CIMAP3: variants seen among roughly 807,000 people sequenced by gnomAD.
The protein encoded by CIMAP3 is ciliary microtubule associated protein 3.
At chr1:111,348,701 A>G in the CIMAP3 span, 1 of 1,487,260 alleles carries the variant, frequency 6.7e-7, no homozygotes, top group Non-Finnish European at 9.0e-7. Flanking sequence ...GGAGGAAAAG[A>G]AGTACGTAAT....
At chr1:111,351,171 T>TTTG in the CIMAP3 span, 1,472 of 505,588 alleles carry the variant, frequency 2.9e-3, 2 homozygotes, top group East Asian at 0.019. Context: ...GTACAGTTTT[T>TTTG]TTTTTTTTTT....
the CIMAP3 span, among the ~76,000 whole-genome samples, chr1:111,333,705 C>A: frequency 1.3e-5 from 2 of 152,216 alleles, no homozygotes; most frequent in South Asian, 2.1e-4. Flanking sequence ...CCCTCCTGGA[C>A]TTCCCATGAC....
chr1:111,350,048 T>G, the CIMAP3 span: 1 of 1,389,628 alleles, frequency 7.2e-7, no homozygotes, highest in Admixed American at 1.7e-5. Flanking sequence ...CTGGTACTGA[T>G]GGAGTTTGTG....
the CIMAP3 span, chr1:111,351,165 AGTTTT>A: frequency 1.3e-6 from 1 of 763,802 alleles, no homozygotes; most frequent in Non-Finnish European, 2.0e-6. Flanking sequence ...TATAATGTAC[AGTTTT>A]TTTTTTTTTT....
At chr1:111,347,189 C>A in the CIMAP3 span, 1 of 989,320 alleles carries the variant, frequency 1.0e-6, no homozygotes, top group Non-Finnish European at 1.4e-6. Context: ...CTCTGTTCTT[C>A]TGCAAGCAGC....
At chr1:111,344,116 GA>G in the CIMAP3 span, among the ~76,000 whole-genome samples, 2 of 152,070 alleles carry the variant, frequency 1.3e-5, no homozygotes, top group African/African-American at 4.8e-5. Flanking sequence ...CATTTTGCAT[GA>G]AAAAAATGTA....
the CIMAP3 span, chr1:111,352,313 A>G: frequency 6.6e-6 from 1 of 152,662 alleles, no homozygotes; most frequent in Non-Finnish European, 1.5e-5. Flanking sequence ...ATTACCAGAA[A>G]GGTGATAAGC....
chr1:111,334,807 C>A, the CIMAP3 span, among the ~76,000 whole-genome samples: 16 of 152,002 alleles, frequency 1.1e-4, no homozygotes, highest in African/African-American at 3.9e-4. Context: ...AGGAAAGAAT[C>A]AGTGAGGTCA....
At chr1:111,342,585 T>C in the CIMAP3 span, among the ~76,000 whole-genome samples, 1 of 152,206 alleles carries the variant, frequency 6.6e-6, no homozygotes, top group Non-Finnish European at 1.5e-5. Flanking sequence ...GCATCTCCTT[T>C]AGCTGAGTTA....
At chr1:111,337,577 A>G in the CIMAP3 span, among the ~76,000 whole-genome samples, 1 of 152,014 alleles carries the variant, frequency 6.6e-6, no homozygotes, top group East Asian at 1.9e-4. Flanking sequence ...ACTTTAAACC[A>G]ACAAAGATCA....
chr1:111,347,618 CTT>C, the CIMAP3 span: 12 of 929,728 alleles, frequency 1.3e-5, no homozygotes, highest in Non-Finnish European at 1.9e-5. Flanking sequence ...GTTGTTTTTT[CTT>C]TCTTTTTTTT....
chr1:111,341,657 A>G, the CIMAP3 span, among the ~76,000 whole-genome samples: 1 of 152,228 alleles, frequency 6.6e-6, no homozygotes, highest in Admixed American at 6.5e-5. Context: ...CTTCTCATAT[A>G]TCAGTAGTTA....
the CIMAP3 span, among the ~76,000 whole-genome samples, chr1:111,338,903 A>G: frequency 3.9e-5 from 6 of 152,200 alleles, no homozygotes; most frequent in Non-Finnish European, 7.4e-5. Flanking sequence ...CACAACCAAA[A>G]AAGAGAATTT....
chr1:111,351,200 G>C, the CIMAP3 span: 6 of 765,480 alleles, frequency 7.8e-6, no homozygotes, highest in Non-Finnish European at 1.3e-5. Context: ...TAACTGGGAA[G>C]ACCAGAGGCA....
chr1:111,340,766 A>T, the CIMAP3 span, among the ~76,000 whole-genome samples: 1 of 152,064 alleles, frequency 6.6e-6, no homozygotes, highest in African/African-American at 2.4e-5. Flanking sequence ...GTGGGACTGT[A>T]AACTAGTTCA....
At chr1:111,334,386 A>T in the CIMAP3 span, among the ~76,000 whole-genome samples, 1 of 152,348 alleles carries the variant, frequency 6.6e-6, no homozygotes, top group African/African-American at 2.4e-5. Flanking sequence ...GGAGGCAGTG[A>T]CCTAGCAGTA....
chr1:111,347,062 C>G, the CIMAP3 span: 1 of 1,601,546 alleles, frequency 6.2e-7, no homozygotes, highest in South Asian at 1.1e-5. Flanking sequence ...GAGTATTCAC[C>G]TCCCCTTAGA....
chr1:111,352,402 C>G, the CIMAP3 span: 11 of 152,766 alleles, frequency 7.2e-5, no homozygotes, highest in African/African-American at 2.2e-4. Context: ...ATGGCCACCC[C>G]CTGATGAGTG....
the CIMAP3 span, among the ~76,000 whole-genome samples, chr1:111,335,563 AG>A: frequency 7.9e-5 from 12 of 152,254 alleles, no homozygotes; most frequent in Non-Finnish European, 1.3e-4. Flanking sequence ...GCACTGGCTC[AG>A]AGGGTCCTAC....
Sources: allele counts gnomAD v4.1 joint callset (sites outside exome capture counted in the v4.1 genomes callset), GRCh38; gene constraint gnomAD v4.1.1; transcripts MANE v1.5; gene names NCBI Gene and HGNC (gene_info 2026-07-23, HGNC 2026-07-21).